PTGER2: variants seen among roughly 807,000 people sequenced by gnomAD.
PTGER2 encodes prostaglandin E2 receptor EP2 subtype.
In PTGER2, 22 loss-of-function variants were observed where a neutral mutation model predicts 26.2. The observed-to-expected ratio is 0.84, with a 90% CI of 0.60 to 1.20. The LOEUF is 1.20. Ranked by LOEUF, PTGER2 falls within the 50% of genes most tolerant of loss-of-function variation. The probability of loss-of-function intolerance (pLI) is 0.00; values close to 1 mark genes in which losing one functional copy is unlikely to be tolerated. For synonymous variants in PTGER2, 219 were observed against 208.9 expected, an observed-to-expected ratio of 1.05 and a Z score of -0.42; for missense variants, 458 against 475.2, an observed-to-expected ratio of 0.96 and a Z score of 0.34.
Position 52,314,500 on chromosome 14 carries a change from A to C in PTGER2, c.-49A>C. On this transcript the variant is annotated 5_prime_UTR_variant, in exon 1 of 2. Transcript: ENST00000245457. This position sits in a 1 kb window ranked among gnomAD's most constrained non-coding sequence, Gnocchi z 5.7. ...CCGGCTCTCAGACCCTCTTCCTCCC[A>C]GGTAAAGGCCGGGAGAGGAGGGCGC... 7.0e-7 allele frequency: 1 copy of C among 1,427,220 alleles called. No individual in the cohort carries two copies. The highest frequency in any genetic ancestry group is 9.2e-7 in the Non-Finnish European group (1 of 1,089,474). The allele number at this position is 1,427,220 out of a possible 1,614,324, so 88.4% of individuals were successfully genotyped here.
chr14:52,327,440 C>T lies in PTGER2; in HGVS notation c.1063C>T (p.Gln355Ter). The part of the protein sequence containing the change: ...SCSTQSDASK[Q>*]ADL Reference sequence around the variant, plus strand: ...TTCTACACAGTCAGATGCCAGTAAACAGGCTGACCTTTGAGGTCAGTAGTT... The same window carrying T: ...TTCTACACAGTCAGATGCCAGTAAATAGGCTGACCTTTGAGGTCAGTAGTT... The change falls in exon 2 of 2, where the codon CAG (glutamine) becomes TAG (stop). Residue 355 changes from glutamine (Q) to a stop codon, truncating the protein, a stop_gained. Coordinates refer to ENST00000245457, the MANE Select transcript of PTGER2 (RefSeq NM_000956.4). LOFTEE classifies it high-confidence loss of function. 1 of 1,605,150 alleles carries T rather than the reference C, an allele frequency of 6.2e-7. No homozygotes were observed. Among genetic ancestry groups the T allele is most frequent in the Non-Finnish European group, 8.5e-7 (1 of 1,172,462 alleles).
At chr14:52,325,136 C>T (rs929791140) in intron 1 of PTGER2, among the ~76,000 whole-genome samples, 1 of 151,654 alleles carries the variant, frequency 6.6e-6, no homozygotes, top group South Asian at 2.1e-4. Context: ...GAGACTCCAT[C>T]TCAAAAAAAA....
chr14:52,326,522 C>T (rs1290456307), intron 1 of PTGER2, among the ~76,000 whole-genome samples: 2 of 152,072 alleles, frequency 1.3e-5, no homozygotes, highest in African/African-American at 4.8e-5. Context: ...ATTATTATCA[C>T]CCATTTTAAA....
intron 1 of PTGER2, among the ~76,000 whole-genome samples, chr14:52,325,200 C>G (rs1437057768): frequency 1.5e-5 from 2 of 133,982 alleles, no homozygotes; most frequent in African/African-American, 2.8e-5. Context: ...TTAAGCAATT[C>G]TCAAAATTAC....
At chr14:52,324,117 T>C (rs1418000564) in intron 1 of PTGER2, among the ~76,000 whole-genome samples, 1 of 152,212 alleles carries the variant, frequency 6.6e-6, no homozygotes, top group African/African-American at 2.4e-5. Context: ...TGATGGTTGC[T>C]GTTCTTTGTT....
In PTGER2 at chr14:52,327,411, C is replaced by T. The variant is rs749428324; in HGVS notation, c.1034C>T (p.Ser345Phe). ...AGAACACAAGATGCAACACAAACTT[C>T]CTGTTCTACACAGTCAGATGCCAGT... is the stretch of plus-strand genomic sequence containing the variant. ...SLRTQDATQTSCSTQSDASKQ... is the reference protein window; with the variant it reads ...SLRTQDATQTFCSTQSDASKQ... Residue 345 changes from serine (S) to phenylalanine (F), a missense_variant, in exon 2 of 2, where the codon TCC becomes TTC. Ser to Phe is a radical substitution (Grantham distance 155, BLOSUM62 -2). Transcript: ENST00000245457. 8 of 1,613,544 alleles carry T rather than the reference C, an allele frequency of 5.0e-6. No individual in the cohort carries two copies. The highest frequency in any genetic ancestry group is 1.6e-4 in the Middle Eastern group (1 of 6,062).
chr14:52,319,931 A>G (rs1213189382), intron 1 of PTGER2, among the ~76,000 whole-genome samples: 2 of 152,242 alleles, frequency 1.3e-5, no homozygotes, highest in African/African-American at 4.8e-5. Flanking sequence ...ACTCCAGTAA[A>G]CAGTACTAGA....
chr14:52,320,864 G>A (rs758701345), intron 1 of PTGER2, among the ~76,000 whole-genome samples: 4 of 152,210 alleles, frequency 2.6e-5, no homozygotes, highest in Non-Finnish European at 4.4e-5. Context: ...AAGGCTGAAA[G>A]TTCCTCTAGA....
At chr14:52,323,080 A>C (rs1254587) in intron 1 of PTGER2, among the ~76,000 whole-genome samples, 1 of 152,032 alleles carries the variant, frequency 6.6e-6, no homozygotes, top group South Asian at 2.1e-4. Context: ...AGAAATTATA[A>C]GAGTATTATT....
intron 1 of PTGER2, among the ~76,000 whole-genome samples, chr14:52,323,941 T>C (rs902766944): frequency 3.3e-5 from 5 of 152,222 alleles, no homozygotes; most frequent in Non-Finnish European, 7.3e-5. Context: ...TGAAACTGAA[T>C]TGCCGAATAT....
At chr14:52,324,948 G>C (rs1292593469) in intron 1 of PTGER2, among the ~76,000 whole-genome samples, 2 of 152,176 alleles carry the variant, frequency 1.3e-5, no homozygotes, top group Non-Finnish European at 2.9e-5. Flanking sequence ...AGACCAGCCT[G>C]TCCAACATGG....
chr14:52,325,297 C>T (rs1048196422), intron 1 of PTGER2, among the ~76,000 whole-genome samples: 23 of 152,202 alleles, frequency 1.5e-4, no homozygotes, highest in Non-Finnish European at 2.2e-4. Context: ...TATTCTGTCA[C>T]GCTCTAAAGA....
chr14:52,322,422 CAA>C (rs1302058482), intron 1 of PTGER2, among the ~76,000 whole-genome samples: 14 of 152,176 alleles, frequency 9.2e-5, no homozygotes, highest in East Asian at 3.9e-4. Flanking sequence ...AAGAGTCCAA[CAA>C]AGATCACAAG....
chr14:52,314,829 C>A lies in PTGER2; in HGVS notation c.281C>A (p.Ala94Glu). 1 of 1,613,098 alleles carries A rather than the reference C, an allele frequency of 6.2e-7. No individual in the cohort carries two copies. The highest frequency in any genetic ancestry group is 8.5e-7 in the Non-Finnish European group (1 of 1,179,974). Reference sequence around the variant, plus strand: ...AGCCCAGTGGTACTGGCTTCGTACGCGCGGAACCAGACCCTGGTGGCACTG... The same window carrying A: ...AGCCCAGTGGTACTGGCTTCGTACGAGCGGAACCAGACCCTGGTGGCACTG... ...LISPVVLASY[A>E]RNQTLVALAP... The change falls in exon 1 of 2, where the codon GCG (alanine) becomes GAG (glutamate). Residue 94 changes from alanine (A) to glutamate (E), a missense_variant. Physicochemically the swap from Ala to Glu is moderately radical, Grantham distance 107. Coordinates refer to ENST00000245457, the MANE Select transcript of PTGER2 (RefSeq NM_000956.4). The surrounding 1 kb of genome is among the most constrained non-coding windows in gnomAD (Gnocchi z 5.7).
chr14:52,326,267 C>G (rs17125344), intron 1 of PTGER2, among the ~76,000 whole-genome samples: 1 of 152,034 alleles, frequency 6.6e-6, no homozygotes, highest in Non-Finnish European at 1.5e-5. Context: ...CAGGCCTGCA[C>G]GTAGCACACA....
chr14:52,321,644 C>T (rs577218160), intron 1 of PTGER2, among the ~76,000 whole-genome samples: 5 of 152,332 alleles, frequency 3.3e-5, no homozygotes, highest in African/African-American at 7.2e-5. Context: ...TCCACATTTT[C>T]TCTACTTACC....
At chr14:52,325,869 G>T (rs2033944737) in intron 1 of PTGER2, among the ~76,000 whole-genome samples, 1 of 152,182 alleles carries the variant, frequency 6.6e-6, no homozygotes, top group Admixed American at 6.5e-5. Flanking sequence ...TCTGCAATTT[G>T]CTTTGTATAT....
rs1307022715 is a variant in PTGER2, at chr14:52,320,713, T to TA, written c.843+5323dup. Among the ~76,000 whole-genome samples the TA allele has an allele frequency of 3.3e-5, 5 of 152,208 alleles. No individual in the cohort carries two copies. The East Asian group carries it at 7.7e-4, about 23-fold the overall frequency. On this transcript the variant is annotated intron_variant, in intron 1 of 1. Transcript: ENST00000245457. ...AAGTCCATTGTACCTCAGTTTATAT[T>TA]ATCAAGGTGTACCAAGCTCCATTTT...
At position 52,315,132 on chromosome 14, in the gene PTGER2, CT is replaced by C; in HGVS notation, c.586del (p.Tyr196ThrfsTer74). The C allele has an allele frequency of 6.2e-7, 1 of 1,609,602 alleles. No homozygotes were observed. ...TGCTTCATCCGGCACGGGCGGACCG[CT>C]TACCTGCAGCTGTACGCCACCCTGC... ...TWCFIRHGRT[A>X]YLQLYATLLL... On this transcript the variant is annotated frameshift_variant, in exon 1 of 2. Coordinates refer to ENST00000245457, the MANE Select transcript of PTGER2 (RefSeq NM_000956.4). LOFTEE classifies it high-confidence loss of function.
Sources: allele counts gnomAD v4.1 joint callset (sites outside exome capture counted in the v4.1 genomes callset), GRCh38; gene constraint gnomAD v4.1.1; non-coding constraint Gnocchi (gnomAD v3.1); transcripts MANE v1.5; gene names NCBI Gene and HGNC (gene_info 2026-07-23, HGNC 2026-07-21).